The following ABCA13 variants were observed in gnomAD, a reference collection of about 807,000 sequenced individuals.
ABCA13 encodes the protein ATP binding cassette subfamily A member 13.
A neutral mutation model predicts 478.7 loss-of-function variants in ABCA13; 476 were observed. The observed-to-expected ratio is 0.99, with a 90% CI of 0.92 to 1.07. The LOEUF is 1.07. ABCA13 is among the 50% of genes least tolerant of loss of function. ABCA13 has a pLI of 0.00. For missense variants in ABCA13, 6,060 were observed against 5,910.6 expected, an observed-to-expected ratio of 1.03 and a Z score of -0.83; for synonymous variants, 2,252 against 2,158.9, an observed-to-expected ratio of 1.04 and a Z score of -1.20.
chr7:48,629,575 C>CAAAA lies in ABCA13; in HGVS notation c.14838-13694_14838-13691dup, dbSNP rs11392411. ...TCCTAAAGCATCAGTTACATTTTGG[C>CAAAA]AAAAAAAAAAAAAAAAAAAAAAGCT... On this transcript the variant is annotated intron_variant, in intron 59 of 61. Coordinates refer to ENST00000435803, the MANE Select transcript of ABCA13 (RefSeq NM_152701.5). Among the ~76,000 whole-genome samples, 155 of 66,912 alleles carry CAAAA rather than the reference C, an allele frequency of 2.3e-3. 3 individuals are homozygous for CAAAA. The highest frequency in any genetic ancestry group is 4.7e-3 in the South Asian group (5 of 1,074). 43.9% of individuals were successfully genotyped at this position (66,912 alleles called of 152,430 possible).
intron 8 of ABCA13, among the ~76,000 whole-genome samples, chr7:48,234,507 G>A (rs1180562899): frequency 6.6e-6 from 1 of 152,192 alleles, no homozygotes; most frequent in African/African-American, 2.4e-5. Flanking sequence ...CAGCTGTAGT[G>A]AGTGGGGATA....
rs765270701 is a variant in ABCA13, at chr7:48,594,708, A to G, written c.14641-2A>G. The G allele has an allele frequency of 6.2e-7, 1 of 1,613,632 alleles. No individual in the cohort carries two copies. Among genetic ancestry groups the G allele is most frequent in the Non-Finnish European group, 8.5e-7 (1 of 1,179,556 alleles). ...GATTACTCTGTGTTGCCTTTCCTTC[A>G]GGATGAGCCCAGCTCTGGGATGGAT... is the stretch of plus-strand genomic sequence containing the variant. On this transcript the variant is annotated splice_acceptor_variant, in intron 57 of 61. Transcript: ENST00000435803. LOFTEE classifies it high-confidence loss of function.
chr7:48,452,664 G>T (rs1825186271), intron 42 of ABCA13, among the ~76,000 whole-genome samples: 1 of 152,212 alleles, frequency 6.6e-6, no homozygotes, highest in South Asian at 2.1e-4. Context: ...GGCTAGATGT[G>T]AATGTCAAAA....
chr7:48,615,198 C>G (rs977786211), intron 58 of ABCA13, 87 bp from the exon 59 acceptor site: 34 of 850,242 alleles, frequency 4.0e-5, no homozygotes, highest in Non-Finnish European at 5.4e-5. Context: ...CTAATGGTAT[C>G]TTGTCTCCTT....
intron 5 of ABCA13, among the ~76,000 whole-genome samples, chr7:48,224,114 C>T (rs1049865251): frequency 6.6e-5 from 10 of 152,160 alleles, no homozygotes; most frequent in Admixed American, 2.0e-4. Context: ...TGTTCCCACC[C>T]TGCTGGCTCT....
intron 35 of ABCA13, among the ~76,000 whole-genome samples, chr7:48,378,783 C>T (rs920890940): frequency 1.2e-4 from 19 of 152,352 alleles, no homozygotes; most frequent in African/African-American, 3.6e-4. Flanking sequence ...TAAGTTCACA[C>T]GGATGTACCT....
intron 1 of ABCA13, among the ~76,000 whole-genome samples, chr7:48,181,132 T>C (rs1432649763): frequency 1.3e-5 from 2 of 152,232 alleles, no homozygotes; most frequent in African/African-American, 2.4e-5. Flanking sequence ...AGTGTCGTAT[T>C]GTCCTTGACT....
intron 25 of ABCA13, among the ~76,000 whole-genome samples, chr7:48,313,943 T>C (rs908272122): frequency 1.3e-5 from 2 of 151,838 alleles, no homozygotes. Flanking sequence ...TAATAATTTA[T>C]TACTGGACAA....
At chr7:48,288,778 A>G (rs1798110128) in intron 20 of ABCA13, among the ~76,000 whole-genome samples, 1 of 152,154 alleles carries the variant, frequency 6.6e-6, no homozygotes, top group South Asian at 2.1e-4. Context: ...ATTAAATTGG[A>G]CACATGCCCA....
rs1400656631 is a variant in ABCA13, at chr7:48,279,333, TC to T, written c.8140del (p.His2714MetfsTer3). ...CTCAAGATATAAAATGGGAAATAAT[TC>T]ATGAAGTGATCCCTTTTTTGGATAA... ...GPQDIKWEII[H>X]EVIPFLDKIL... On this transcript the variant is annotated frameshift_variant, in exon 18 of 62. Transcript: ENST00000435803. LOFTEE classifies it high-confidence loss of function. 2 of 1,585,786 alleles carry T rather than the reference TC, an allele frequency of 1.3e-6. No homozygotes were observed. Among genetic ancestry groups the T allele is most frequent in the Non-Finnish European group, 1.7e-6 (2 of 1,163,716 alleles).
intron 48 of ABCA13, among the ~76,000 whole-genome samples, chr7:48,495,122 G>A (rs1830164948): frequency 6.6e-6 from 1 of 152,112 alleles, no homozygotes; most frequent in Non-Finnish European, 1.5e-5. Context: ...TTATGAATTA[G>A]GTATTATGGC....
chr7:48,246,350 G>GTC (rs60157387), intron 13 of ABCA13, among the ~76,000 whole-genome samples: 31,873 of 152,022 alleles, frequency 0.21, 4,605 homozygotes, highest in African/African-American at 0.42. Flanking sequence ...AAGCAGAGGA[G>GTC]TCTCTGGTGA....
intron 45 of ABCA13, among the ~76,000 whole-genome samples, chr7:48,474,786 C>T (rs536354414): frequency 8.5e-5 from 13 of 152,236 alleles, no homozygotes; most frequent in Admixed American, 3.9e-4. Flanking sequence ...ATTCTCTAGC[C>T]TTGATTTGAT....
At chr7:48,598,972 C>A (rs1430824594) in intron 58 of ABCA13, among the ~76,000 whole-genome samples, 3 of 151,868 alleles carry the variant, frequency 2.0e-5, no homozygotes, top group Admixed American at 6.6e-5. Flanking sequence ...TGTCATAGCA[C>A]CTTTATTATA....
intron 23 of ABCA13, among the ~76,000 whole-genome samples, chr7:48,303,239 G>C (rs546300664): frequency 6.6e-5 from 10 of 151,844 alleles, no homozygotes; most frequent in Non-Finnish European, 1.5e-4. Context: ...CTGGATATTA[G>C]ACCTTTGTCA....
intron 22 of ABCA13, 69 bp downstream of exon 22, chr7:48,297,380 TA>T: frequency 7.2e-7 from 1 of 1,386,290 alleles, no homozygotes. Flanking sequence ...AATATATTAT[TA>T]AAATAAAACA....
intron 15 of ABCA13, among the ~76,000 whole-genome samples, chr7:48,249,613 G>T (rs367851676): frequency 6.6e-6 from 1 of 152,122 alleles, no homozygotes; most frequent in South Asian, 2.1e-4. Flanking sequence ...AGACTGTCCT[G>T]GTTTGGGTGA....
Position 48,594,960 on chromosome 7 carries a change from T to C in ABCA13, c.14744+147T>C, listed in dbSNP as rs146015681. On this transcript the variant is annotated intron_variant, in intron 58 of 61. Transcript: ENST00000435803. ...ATGGTGATATTATTGTTAGCCCTCA[T>C]TGTATAAATTGAGACTGAAGCCATG... is the stretch of plus-strand genomic sequence containing the variant. 878 of 706,902 alleles carry C rather than the reference T, an allele frequency of 1.2e-3. 1 individual carries two copies. The African/African-American group carries it at 0.015, about 12-fold the overall frequency. 43.8% of individuals were successfully genotyped at this position (706,902 alleles called of 1,614,324 possible).
chr7:48,283,720 G>A (rs1265541911), intron 19 of ABCA13, among the ~76,000 whole-genome samples: 1 of 152,142 alleles, frequency 6.6e-6, no homozygotes, highest in Non-Finnish European at 1.5e-5. Flanking sequence ...GTCACGATGG[G>A]GCACTCAGGA....
Sources: gnomAD v4.1 joint callset for allele counts (sites outside exome capture counted in the v4.1 genomes callset) on GRCh38, gnomAD v4.1.1 for gene constraint, MANE v1.5 for transcripts, NCBI Gene and HGNC (gene_info 2026-07-23, HGNC 2026-07-21) for gene names.